DOCK10: variants seen among roughly 807,000 people sequenced by gnomAD.
DOCK10 encodes dedicator of cytokinesis protein 10.
DOCK10 carries 145 observed loss-of-function variants against 280.1 expected under a neutral mutation model. The ratio of observed to expected loss-of-function variants is 0.52; its 90% CI spans 0.45 to 0.59. The LOEUF (loss-of-function observed/expected upper bound fraction) is 0.59, where lower values mean the gene tolerates loss of function less well. DOCK10 is among the 20% of genes least tolerant of loss of function. The probability of loss-of-function intolerance (pLI) is 0.00; values close to 1 mark genes in which losing one functional copy is unlikely to be tolerated. For missense variants in DOCK10, 2,368 were observed against 2,651.7 expected, an observed-to-expected ratio of 0.89 and a Z score of 2.35; for synonymous variants, 915 against 942.2, an observed-to-expected ratio of 0.97 and a Z score of 0.53.
intron 1 of DOCK10, among the ~76,000 whole-genome samples, chr2:224,987,519 A>C (rs1331258323): frequency 6.6e-6 from 1 of 152,104 alleles, no homozygotes; most frequent in African/African-American, 2.4e-5. Flanking sequence ...AGGTGTCAGC[A>C]CCTCAGTGGA....
At chr2:224,945,657 CTA>C (rs925224208) in intron 1 of DOCK10, among the ~76,000 whole-genome samples, 44 of 151,516 alleles carry the variant, frequency 2.9e-4, no homozygotes, top group African/African-American at 1.0e-3. Flanking sequence ...TATAAAGAGC[CTA>C]TATATATGCA....
At chr2:224,990,823 C>T (rs1706107751) in intron 1 of DOCK10, among the ~76,000 whole-genome samples, 1 of 152,166 alleles carries the variant, frequency 6.6e-6, no homozygotes, top group African/African-American at 2.4e-5. Context: ...CCTAAGGTCA[C>T]TACTTTTGCA....
intron 1 of DOCK10, among the ~76,000 whole-genome samples, chr2:225,021,498 TG>T (rs1689783440): frequency 6.6e-6 from 1 of 152,136 alleles, no homozygotes; most frequent in African/African-American, 2.4e-5. Context: ...GTGAGAGAAA[TG>T]TGGGAAAAAG....
rs566305021 is a variant in DOCK10 at position 224,888,623 on chromosome 2, A to C, written c.417-2092T>G. On this transcript the variant is annotated intron_variant, in intron 4 of 55. Coordinates refer to ENST00000258390, the MANE Select transcript of DOCK10 (RefSeq NM_014689.3). ...TGTGTTTGTATGTATATGTGTGTGA[A>C]TATATGTGTGTATATATTTATGTGA... 2.0e-5 allele frequency among the ~76,000 whole-genome samples: 3 copies of C among 151,480 alleles called. No homozygotes were observed. In the South Asian group the frequency reaches 6.2e-4, roughly 32 times the overall value.
chr2:224,797,241 T>A, intron 42 of DOCK10, 95 bp from the exon 43 acceptor site: 7 of 858,938 alleles, frequency 8.1e-6, no homozygotes, highest in East Asian at 3.1e-5. Context: ...AAAATCCCTC[T>A]CCTTTTTTTT....
chr2:224,948,978 TG>T (rs1262344626), intron 1 of DOCK10, among the ~76,000 whole-genome samples: 5 of 152,222 alleles, frequency 3.3e-5, no homozygotes, highest in African/African-American at 9.6e-5. Flanking sequence ...TTCTGCAATA[TG>T]AGAATGACTC....
At chr2:224,906,351 T>C (rs1402421311) in intron 3 of DOCK10, among the ~76,000 whole-genome samples, 3 of 152,220 alleles carry the variant, frequency 2.0e-5, no homozygotes, top group African/African-American at 7.2e-5. Flanking sequence ...AATAGTCTTC[T>C]ATCTGTCCAA....
chr2:224,916,838 G>T, intron 2 of DOCK10, 54 bp from the exon 3 acceptor site: 1 of 1,362,852 alleles, frequency 7.3e-7, no homozygotes, highest in Non-Finnish European at 1.0e-6. Flanking sequence ...GTGTCGAGCA[G>T]ACCAGCACAC....
chr2:224,778,376 C>G (rs1371585416), intron 50 of DOCK10, 92 bp from the exon 51 acceptor site: 1 of 1,315,602 alleles, frequency 7.6e-7, no homozygotes, highest in East Asian at 2.5e-5. Context: ...AAAACATATA[C>G]AGTTTTTGGT....
intron 4 of DOCK10, among the ~76,000 whole-genome samples, chr2:224,888,275 C>T (rs2125774462): frequency 7.0e-6 from 1 of 143,226 alleles, no homozygotes; most frequent in South Asian, 2.3e-4. Flanking sequence ...CTTATCTATT[C>T]CTCTGTCAAT....
intron 39 of DOCK10, 115 bp downstream of exon 39, chr2:224,803,997 A>T: frequency 1.8e-6 from 1 of 569,978 alleles, no homozygotes; most frequent in East Asian, 3.1e-5. Context: ...TATAAATAGA[A>T]ATATGTGTGT....
At chr2:224,986,923 C>T (rs1034934322) in intron 1 of DOCK10, among the ~76,000 whole-genome samples, 1 of 152,180 alleles carries the variant, frequency 6.6e-6, no homozygotes, top group African/African-American at 2.4e-5. Context: ...GAGAAAGGCT[C>T]TTAATTCCCC....
intron 3 of DOCK10, among the ~76,000 whole-genome samples, chr2:224,898,496 G>A (rs1436365608): frequency 6.6e-6 from 1 of 152,228 alleles, no homozygotes; most frequent in African/African-American, 2.4e-5. Flanking sequence ...GGGAATTTGA[G>A]CAAAACAGTA....
chr2:224,801,304 C>G (rs77306547), intron 40 of DOCK10, among the ~76,000 whole-genome samples: 1 of 92,762 alleles, frequency 1.1e-5, no homozygotes, highest in African/African-American at 4.6e-5. Context: ...AAAAAAAAAA[C>G]ATATTTGGGG....
At chr2:224,840,507 A>G (rs1320344743) in intron 23 of DOCK10, among the ~76,000 whole-genome samples, 1 of 152,234 alleles carries the variant, frequency 6.6e-6, no homozygotes, top group East Asian at 1.9e-4. Flanking sequence ...GATATATAAA[A>G]AATGTTCAAC....
chr2:224,843,313 C>T (rs753035648), intron 22 of DOCK10, among the ~76,000 whole-genome samples: 1 of 151,970 alleles, frequency 6.6e-6, no homozygotes, highest in Admixed American at 6.5e-5. Context: ...TAGTGAGAGT[C>T]GAGGTAGAGA....
At chr2:224,956,413 C>G (rs1477167035) in intron 1 of DOCK10, among the ~76,000 whole-genome samples, 1 of 152,026 alleles carries the variant, frequency 6.6e-6, no homozygotes, top group African/African-American at 2.4e-5. Flanking sequence ...CATTTGAAGT[C>G]AGGAGTTCGA....
intron 30 of DOCK10, among the ~76,000 whole-genome samples, chr2:224,815,474 A>G (rs2125288789): frequency 6.6e-6 from 1 of 152,248 alleles, no homozygotes; most frequent in East Asian, 1.9e-4. Flanking sequence ...AATTTATAAA[A>G]CAAAAATACA....
Position 224,814,377 on chromosome 2 carries a change from TAAATA to T in DOCK10, c.3365-18_3365-14del, listed in dbSNP as rs1349299913. The T allele has an allele frequency of 6.6e-7, 1 of 1,504,896 alleles. No homozygotes were observed. The highest frequency in any genetic ancestry group is 8.9e-7 in the Non-Finnish European group (1 of 1,118,638). 93.2% of individuals were successfully genotyped at this position (1,504,896 alleles called of 1,614,324 possible). A position where few individuals can be genotyped will look rare whatever the true frequency, so the allele number is the denominator to read the frequency against. ...GGTGTCAAAGGATCTGAATTTAATATAAATAAAAAGTTCAGATATATACATATACA... is the reference window on the plus strand; with the variant it reads ...GGTGTCAAAGGATCTGAATTTAATATAAAAGTTCAGATATATACATATACA... On this transcript the variant is annotated splice_polypyrimidine_tract_variant and intron_variant, in intron 30 of 55. Coordinates refer to ENST00000258390, the MANE Select transcript of DOCK10 (RefSeq NM_014689.3).
Sources: gnomAD v4.1 joint callset for allele counts (sites outside exome capture counted in the v4.1 genomes callset) on GRCh38, gnomAD v4.1.1 for gene constraint, MANE v1.5 for transcripts, NCBI Gene and HGNC (gene_info 2026-07-23, HGNC 2026-07-21) for gene names.